Variants in UNC5C observed in about 807,000 individuals in gnomAD.
The protein encoded by UNC5C is netrin receptor UNC5C.
Under a neutral mutation model 99.8 loss-of-function variants are expected in UNC5C, and 47 were observed. The observed-to-expected ratio is 0.47, with a 90% CI of 0.37 to 0.60. The LOEUF (loss-of-function observed/expected upper bound fraction) is 0.60. UNC5C is among the 20% of genes least tolerant of loss of function. UNC5C has a pLI of 0.00. For missense variants in UNC5C, 1,062 were observed against 1,165.9 expected (o/e 0.91, Z 1.30); for synonymous variants, 487 against 452.2 (o/e 1.08, Z -0.98).
intron 1 of UNC5C, among the ~76,000 whole-genome samples, chr4:95,379,534 G>A (rs1744998386): frequency 6.6e-6 from 1 of 152,106 alleles, no homozygotes; most frequent in Non-Finnish European, 1.5e-5. Flanking sequence ...TCCCCAAGCG[G>A]AGTATCCTGC....
intron 3 of UNC5C, among the ~76,000 whole-genome samples, chr4:95,296,415 G>A (rs898455221): frequency 8.6e-5 from 13 of 152,044 alleles, no homozygotes; most frequent in Non-Finnish European, 4.4e-5. Context: ...AAGCCATGAA[G>A]TAAATAGCAA....
chr4:95,317,608 G>A (rs1742525917), intron 2 of UNC5C, among the ~76,000 whole-genome samples: 2 of 152,154 alleles, frequency 1.3e-5, no homozygotes, highest in Admixed American at 6.5e-5. Context: ...GGGCTGGCAA[G>A]GATGCTGTGA....
At chr4:95,442,457 C>T (rs1042793205) in intron 1 of UNC5C, among the ~76,000 whole-genome samples, 1 of 150,194 alleles carries the variant, frequency 6.7e-6, no homozygotes, top group South Asian at 2.1e-4. Context: ...ATCTTCCCTC[C>T]TTGGCCTCCC....
chr4:95,392,444 TA>T lies in UNC5C; in HGVS notation c.125-56814del, dbSNP rs1169560884. On this transcript the variant is annotated intron_variant, in intron 1 of 15. Transcript: ENST00000453304. Reference sequence around the variant, plus strand: ...AGTATCAAAACATTTTTTTTTTTTTTAAAAAAAAAACAGGTTTCACTCTGTC... The same window carrying T: ...AGTATCAAAACATTTTTTTTTTTTTTAAAAAAAAACAGGTTTCACTCTGTC... 6.4e-4 allele frequency among the ~76,000 whole-genome samples: 94 copies of T among 147,396 alleles called. No homozygotes were observed. In the South Asian group the frequency reaches 0.01, roughly 16 times the overall value.
At chr4:95,257,884 AC>A (rs1740067448) in intron 4 of UNC5C, among the ~76,000 whole-genome samples, 1 of 152,248 alleles carries the variant, frequency 6.6e-6, no homozygotes, top group Non-Finnish European at 1.5e-5. Context: ...AACATTTATT[AC>A]CATTGTGGCT....
chr4:95,415,965 T>C (rs1398425531), intron 1 of UNC5C, among the ~76,000 whole-genome samples: 1 of 151,546 alleles, frequency 6.6e-6, no homozygotes, highest in Non-Finnish European at 1.5e-5. Flanking sequence ...TCTCCTCTCA[T>C]CCCCCAATCC....
intron 7 of UNC5C, among the ~76,000 whole-genome samples, chr4:95,236,757 A>G (rs529848331): frequency 6.6e-6 from 1 of 152,314 alleles, no homozygotes; most frequent in Admixed American, 6.5e-5. Context: ...CTGCTTTTCC[A>G]TGTTAAAACC....
intron 1 of UNC5C, among the ~76,000 whole-genome samples, chr4:95,414,214 C>A (rs1397077025): frequency 1.3e-5 from 2 of 148,272 alleles, no homozygotes; most frequent in Non-Finnish European, 3.0e-5. Flanking sequence ...CTTTTCCCCA[C>A]CTCCCCCCCA....
chr4:95,431,071 G>A (rs541796505), intron 1 of UNC5C, among the ~76,000 whole-genome samples: 1 of 152,132 alleles, frequency 6.6e-6, no homozygotes, highest in East Asian at 1.9e-4. Flanking sequence ...TTTTACTCAA[G>A]TAAACCTGAG....
intron 1 of UNC5C, among the ~76,000 whole-genome samples, chr4:95,494,433 C>G (rs975829889): frequency 6.6e-6 from 1 of 151,284 alleles, no homozygotes; most frequent in East Asian, 1.9e-4. Context: ...CCAAGAGGCC[C>G]CATAATTTGC....
chr4:95,188,904 A>C (rs1736951598), intron 12 of UNC5C, among the ~76,000 whole-genome samples: 1 of 152,176 alleles, frequency 6.6e-6, no homozygotes, highest in Admixed American at 6.5e-5. Context: ...GGTGACCTGT[A>C]AACATGTAAC....
At chr4:95,364,733 T>A (rs189539706) in intron 1 of UNC5C, among the ~76,000 whole-genome samples, 1 of 152,174 alleles carries the variant, frequency 6.6e-6, no homozygotes, top group East Asian at 1.9e-4. Context: ...GAGGATTACA[T>A]GAGTAAGTAC....
intron 2 of UNC5C, among the ~76,000 whole-genome samples, chr4:95,314,499 T>G (rs1425422442): frequency 1.3e-5 from 2 of 152,216 alleles, no homozygotes; most frequent in Non-Finnish European, 2.9e-5. Context: ...CTATCAGGCA[T>G]TCCCTAGATC....
intron 1 of UNC5C, among the ~76,000 whole-genome samples, chr4:95,504,834 A>G (rs747856000): frequency 1.3e-5 from 2 of 152,082 alleles, no homozygotes; most frequent in South Asian, 2.1e-4. Context: ...TCTTTGCCCT[A>G]TGATGTCATT....
intron 1 of UNC5C, among the ~76,000 whole-genome samples, chr4:95,359,271 A>T (rs956680388): frequency 1.3e-5 from 2 of 152,204 alleles, no homozygotes; most frequent in Admixed American, 6.5e-5. Flanking sequence ...GTTGCCAATT[A>T]CTTTAGACCT....
chr4:95,287,053 T>C (rs1213061108), intron 3 of UNC5C, among the ~76,000 whole-genome samples: 1 of 152,208 alleles, frequency 6.6e-6, no homozygotes, highest in Non-Finnish European at 1.5e-5. Flanking sequence ...TTAATGTTTC[T>C]TGTGGCCTCT....
chr4:95,328,510 A>G (rs1235792853), intron 2 of UNC5C, among the ~76,000 whole-genome samples: 1 of 140,306 alleles, frequency 7.1e-6, no homozygotes, highest in East Asian at 2.2e-4. Flanking sequence ...ATTGTGAATA[A>G]TGCCTCAATA....
chr4:95,436,808 G>A (rs1022672027), intron 1 of UNC5C, among the ~76,000 whole-genome samples: 9 of 151,728 alleles, frequency 5.9e-5, no homozygotes, highest in Non-Finnish European at 8.8e-5. Context: ...CTAGAACACA[G>A]CCAATATTAT....
At chr4:95,513,506 A>C (rs1722131248) in intron 1 of UNC5C, among the ~76,000 whole-genome samples, 1 of 152,160 alleles carries the variant, frequency 6.6e-6, no homozygotes, top group Non-Finnish European at 1.5e-5. Context: ...ATTAATAGAC[A>C]AATTTTGCTG....
Sources: allele counts gnomAD v4.1 joint callset (sites outside exome capture counted in the v4.1 genomes callset), GRCh38; gene constraint gnomAD v4.1.1; transcripts MANE v1.5; gene names NCBI Gene and HGNC (gene_info 2026-07-23, HGNC 2026-07-21).